OSBPL10: variants seen among roughly 807,000 people sequenced by gnomAD.
OSBPL10 encodes the protein oxysterol binding protein like 10, also known as oxysterol-binding protein-related protein 10.
A neutral mutation model predicts 81.7 loss-of-function variants in OSBPL10; 49 were observed. That is an observed-to-expected ratio of 0.60 (90% CI 0.48 to 0.76). The LOEUF (loss-of-function observed/expected upper bound fraction) is 0.76. OSBPL10 is among the 30% of genes least tolerant of loss of function. The pLI, the probability that OSBPL10 is intolerant of heterozygous loss-of-function variation, is 0.00. For missense variants in OSBPL10, 923 were observed against 987.8 expected, an observed-to-expected ratio of 0.93 and a Z score of 0.88; for synonymous variants, 419 against 383.6, an observed-to-expected ratio of 1.09 and a Z score of -1.08.
chr3:31,738,607 T>A (rs190213010), intron 5 of OSBPL10, among the ~76,000 whole-genome samples: 113 of 152,286 alleles, frequency 7.4e-4, no homozygotes, highest in African/African-American at 2.5e-3. Flanking sequence ...ATGCTATCTG[T>A]GCATTGCCTC....
At chr3:31,881,835 A>T (rs1401340314) in intron 1 of OSBPL10, among the ~76,000 whole-genome samples, 6 of 152,208 alleles carry the variant, frequency 3.9e-5, no homozygotes, top group African/African-American at 1.4e-4. Flanking sequence ...CCTCTAAATT[A>T]TTCTCACAAT....
intron 1 of OSBPL10, among the ~76,000 whole-genome samples, chr3:31,927,629 G>A (rs1336001218): frequency 6.6e-6 from 1 of 152,180 alleles, no homozygotes; most frequent in Non-Finnish European, 1.5e-5. Context: ...GCCCTAAGTG[G>A]CCTTGGTTTT....
At chr3:31,999,893 A>G (rs1278462369) in intron 2 of OSBPL10, among the ~76,000 whole-genome samples, 1 of 152,122 alleles carries the variant, frequency 6.6e-6, no homozygotes, top group Non-Finnish European at 1.5e-5. Context: ...GAACCTTAAA[A>G]AGGTCATTCG....
intron 4 of OSBPL10, among the ~76,000 whole-genome samples, chr3:31,794,247 C>G (rs529020955): frequency 3.4e-4 from 52 of 152,350 alleles, no homozygotes; most frequent in Middle Eastern, 3.4e-3. Context: ...TGGGTTCAAG[C>G]AATTCTCCTG....
At chr3:31,989,153 C>CTT (rs1419768690) in intron 2 of OSBPL10, 9 of 1,614,014 alleles carry the variant, frequency 5.6e-6, no homozygotes, top group Non-Finnish European at 7.6e-6. Flanking sequence ...GGACACTTGA[C>CTT]TTTTAGGGAT....
chr3:31,861,322 T>C (rs1701052721), intron 3 of OSBPL10, among the ~76,000 whole-genome samples: 1 of 152,190 alleles, frequency 6.6e-6, no homozygotes, highest in South Asian at 2.1e-4. Flanking sequence ...TTTATTTGCA[T>C]ATAACCTATG....
At chr3:32,069,645 A>G (rs1385352037) in intron 1 of OSBPL10, among the ~76,000 whole-genome samples, 2 of 152,212 alleles carry the variant, frequency 1.3e-5, no homozygotes, top group Admixed American at 1.3e-4. Context: ...AAAAGCTTTA[A>G]AAATTGGAAT....
intron 1 of OSBPL10, among the ~76,000 whole-genome samples, chr3:31,881,028 T>G (rs545408674): frequency 6.6e-6 from 1 of 152,322 alleles, no homozygotes; most frequent in South Asian, 2.1e-4. Context: ...CTACTCCCCC[T>G]GCCTGGAATA....
intron 2 of OSBPL10, among the ~76,000 whole-genome samples, chr3:32,039,908 T>C (rs778066622): frequency 2.0e-5 from 3 of 152,174 alleles, no homozygotes; most frequent in African/African-American, 4.8e-5. Flanking sequence ...CACTCACGGA[T>C]AGGTGTGAAA....
intron 2 of OSBPL10, among the ~76,000 whole-genome samples, chr3:32,031,430 T>G (rs1185977400): frequency 6.6e-6 from 1 of 152,126 alleles, no homozygotes; most frequent in Non-Finnish European, 1.5e-5. Flanking sequence ...TAGATTCTCT[T>G]CAGTTATTTA....
Position 31,951,204 on chromosome 3 carries a change from C to T in OSBPL10, c.281+29695G>A, listed in dbSNP as rs186288809. 9.3e-5 allele frequency among the ~76,000 whole-genome samples: 14 copies of T among 151,166 alleles called. 1 individual carries two copies. The East Asian group carries it at 1.9e-3, about 21-fold the overall frequency. On this transcript the variant is annotated intron_variant, in intron 1 of 11. Transcript: ENST00000396556. Reference sequence around the variant, plus strand: ...ACATAGTCACACAAAGAATGTTATACAGCATTGAAAAGAAATGCACTGAAG... The same window carrying T: ...ACATAGTCACACAAAGAATGTTATATAGCATTGAAAAGAAATGCACTGAAG...
intron 7 of OSBPL10, among the ~76,000 whole-genome samples, chr3:31,697,179 C>A (rs934532065): frequency 1.4e-4 from 21 of 152,142 alleles, no homozygotes; most frequent in African/African-American, 5.1e-4. Flanking sequence ...CCCTTAGAAG[C>A]CTTGAGCTGC....
chr3:31,946,669 G>C (rs1302165728), intron 1 of OSBPL10, among the ~76,000 whole-genome samples: 1 of 152,132 alleles, frequency 6.6e-6, no homozygotes, highest in East Asian at 1.9e-4. Flanking sequence ...AAAGGACAAG[G>C]CATCTGCCCG....
chr3:31,831,383 G>A (rs554305682), intron 3 of OSBPL10, among the ~76,000 whole-genome samples: 1 of 150,810 alleles, frequency 6.6e-6, no homozygotes, highest in Admixed American at 6.6e-5. Flanking sequence ...TCCAGCCTGG[G>A]CAACAAGAGC....
At position 32,069,721 on chromosome 3, in the gene OSBPL10, G is replaced by A. The variant is rs181082741; in HGVS notation, n.185+7675C>T. On this transcript the variant is annotated intron_variant and non_coding_transcript_variant, in intron 1 of 3. Transcript: ENST00000479173. The stretch of plus-strand genomic sequence containing the variant: ...CTTCAAGGTGTACAATAATAGAGAG[G>A]CGGTAGCCAGACAGCAATGCATTTC... Among the ~76,000 whole-genome samples, 16 of 152,274 alleles carry A rather than the reference G, an allele frequency of 1.1e-4. No individual in the cohort carries two copies. The East Asian group carries it at 2.9e-3, about 28-fold the overall frequency.
At position 32,077,216 on chromosome 3, in the gene OSBPL10, T is replaced by C. The variant is rs543931157; in HGVS notation, n.185+180A>G. ...CTTAGAAGTTAGAAGCAAGATGGAA[T>C]TGGTTAGGTCAAATCTCTTTCACGG... On this transcript the variant is annotated intron_variant and non_coding_transcript_variant, in intron 1 of 3. Transcript: ENST00000479173. Among the ~76,000 whole-genome samples, 156 of 152,142 alleles carry C rather than the reference T, an allele frequency of 1.0e-3. 1 individual carries two copies. Among genetic ancestry groups the C allele is most frequent in the Admixed American group, 2.5e-3 (38 of 15,278 alleles).
chr3:31,857,809 A>G (rs28588534), intron 3 of OSBPL10, among the ~76,000 whole-genome samples: 4 of 35,438 alleles, frequency 1.1e-4, no homozygotes, highest in East Asian at 1.0e-3. Context: ...AAAGGGAGAG[A>G]GAGAGAAAGG....
intron 8 of OSBPL10, among the ~76,000 whole-genome samples, chr3:31,679,160 C>CT (rs1700571619): frequency 6.6e-6 from 1 of 152,118 alleles, no homozygotes; most frequent in Non-Finnish European, 1.5e-5. Flanking sequence ...ACTTGCTGTT[C>CT]TTTTTTGCAT....
chr3:31,718,078 A>G (rs903904376), intron 6 of OSBPL10: 1 of 151,790 alleles, frequency 6.6e-6, no homozygotes, highest in African/African-American at 2.4e-5. Flanking sequence ...TAAATATTCT[A>G]GTTTTTGTTT....
Sources: allele counts gnomAD v4.1 joint callset (sites outside exome capture counted in the v4.1 genomes callset), GRCh38; gene constraint gnomAD v4.1.1; transcripts MANE v1.5; gene names NCBI Gene and HGNC (gene_info 2026-07-23, HGNC 2026-07-21).